Variants in POLR2E observed in about 807,000 individuals in gnomAD.
POLR2E encodes the protein DNA-directed RNA polymerases I, II, and III subunit RPABC1.
A neutral mutation model predicts 29.8 loss-of-function variants in POLR2E; 35 were observed. That is an observed-to-expected ratio of 1.17 (90% CI 0.90 to 1.55). The LOEUF (loss-of-function observed/expected upper bound fraction) is 1.55, where lower values mean the gene tolerates loss of function less well. Ranked by LOEUF, POLR2E falls within the 40% of genes most tolerant of loss-of-function variation. The probability of loss-of-function intolerance (pLI) is 0.00; values close to 1 mark genes in which losing one functional copy is unlikely to be tolerated. For synonymous variants in POLR2E, 174 were observed against 112.6 expected (o/e 1.55, Z -3.45); for missense variants, 287 against 288.6 (o/e 0.99, Z 0.04).
chr19:1,094,120 GA>G, intron 1 of POLR2E, 42 bp from the exon 2 acceptor site: 1 of 1,567,576 alleles, frequency 6.4e-7, no homozygotes, highest in Non-Finnish European at 8.7e-7. Context: ...GCAGAGAGAG[GA>G]AGGCGGCCAA....
chr19:1,091,640 G>T, intron 3 of POLR2E, 152 bp downstream of exon 3: 1 of 623,064 alleles, frequency 1.6e-6, no homozygotes, highest in East Asian at 2.8e-5. Flanking sequence ...GAGGGAGGCG[G>T]TCGGGGCTTG....
intron 3 of POLR2E, 91 bp downstream of exon 3, chr19:1,091,701 A>G: frequency 5.8e-6 from 5 of 856,952 alleles, no homozygotes; most frequent in Non-Finnish European, 9.5e-6. Flanking sequence ...CCTGGCCCAA[A>G]GCCCAAGGCA....
intron 3 of POLR2E, 83 bp downstream of exon 3, chr19:1,091,709 G>T: frequency 1.1e-6 from 1 of 939,330 alleles, no homozygotes; most frequent in Non-Finnish European, 1.7e-6. Context: ...AAAGCCCAAG[G>T]CACGTGGGCC....
At chr19:1,093,843 C>G in intron 2 of POLR2E, 61 bp downstream of exon 2, 3 of 1,493,688 alleles carry the variant, frequency 2.0e-6, no homozygotes, top group Non-Finnish European at 2.7e-6. Context: ...GTGCTAGCGA[C>G]CGGCTCCTCG....
rs1568505149 is a variant in POLR2E, at chr19:1,088,327, GC to G, written c.*407del. 6.6e-6 allele frequency: 1 copy of G among 152,298 alleles called. No homozygotes were observed. 9.4% of individuals were successfully genotyped at this position (152,298 alleles called of 1,614,324 possible). A position where few individuals can be genotyped will look rare whatever the true frequency, so the allele number is the denominator to read the frequency against. On this transcript the variant is annotated 3_prime_UTR_variant, in exon 8 of 8. Coordinates refer to ENST00000615234, the MANE Select transcript of POLR2E (RefSeq NM_002695.5). The stretch of plus-strand genomic sequence containing the variant: ...AAAGAGCCGAGGCCGGGCGGGGGCC[GC>G]CACGCATCAGGGCCCCCGAGGGAGG...
At position 1,086,778 on chromosome 19, in the gene POLR2E, C is replaced by T. The variant is rs1426358262; in HGVS notation, c.*1957G>A. ...ATGTGTGAGGAAGGGAACCCCCCGC[C>T]ACGGGGCCCCGCGAGGTGGGAGCCC... On this transcript the variant is annotated 3_prime_UTR_variant, in exon 8 of 8. Transcript: ENST00000615234. 6.6e-6 allele frequency: 1 copy of T among 152,186 alleles called. No individual in the cohort carries two copies. Among genetic ancestry groups the T allele is most frequent in the African/African-American group, 2.4e-5 (1 of 41,400 alleles). The allele number at this position is 152,186 out of a possible 1,614,324, so 9.4% of individuals were successfully genotyped here.
chr19:1,090,517 G>GTGCA (rs2043806958), intron 4 of POLR2E, among the ~76,000 whole-genome samples: 1 of 144,418 alleles, frequency 6.9e-6, no homozygotes, highest in African/African-American at 2.6e-5. Flanking sequence ...CCAGGCTGGA[G>GTGCA]TGCAGTGGCA....
At position 1,090,158 on chromosome 19, in the gene POLR2E, G is replaced by A. The variant is rs2043798559; in HGVS notation, c.430-13C>T. ...GCTCAGGGACTAGCTGCCGAGAGAG[G>A]AAGCCACCAGGCATCACCAAGGGCT... On this transcript the variant is annotated splice_polypyrimidine_tract_variant and intron_variant, in intron 4 of 7. Transcript: ENST00000615234. 1 of 1,611,992 alleles carries A rather than the reference G, an allele frequency of 6.2e-7. No homozygotes were observed. Among genetic ancestry groups the A allele is most frequent in the Non-Finnish European group, 8.5e-7 (1 of 1,179,610 alleles).
At position 1,091,846 on chromosome 19, in the gene POLR2E, G is replaced by T; in HGVS notation, c.294C>A (p.Asn98Lys). The change falls in exon 3 of 8, where the codon AAC becomes AAA. Residue 98 changes from asparagine (N) to lysine (K), a missense_variant. Physicochemically the swap from Asn to Lys is moderately conservative, Grantham distance 94. Transcript: ENST00000615234. ...KVYCQRMQEENITRALIVVQQ... is the reference protein window; with the variant it reads ...KVYCQRMQEEKITRALIVVQQ... ...GCACCACGATGAGAGCCCGTGTGAT[G>T]TTCTCCTCCTGCATGCGCTGGCAGT... The T allele has an allele frequency of 6.2e-7, 1 of 1,613,292 alleles. No homozygotes were observed. Among genetic ancestry groups the T allele is most frequent in the Non-Finnish European group, 8.5e-7 (1 of 1,179,876 alleles).
intron 1 of POLR2E, 82 bp from the exon 2 acceptor site, chr19:1,094,160 G>A: frequency 7.4e-7 from 1 of 1,350,782 alleles, no homozygotes; most frequent in East Asian, 2.4e-5. Context: ...CAGACCTGCG[G>A]CTGCTGCAGA....
intron 2 of POLR2E, 86 bp from the exon 3 acceptor site, chr19:1,091,993 C>A: frequency 1.1e-6 from 1 of 896,938 alleles, no homozygotes. Context: ...CAGGTTCCAG[C>A]CCCATTCCAC....
intron 2 of POLR2E, among the ~76,000 whole-genome samples, chr19:1,093,511 G>A (rs764787154): frequency 9.2e-5 from 14 of 152,152 alleles, no homozygotes; most frequent in Admixed American, 6.5e-4. Flanking sequence ...GGCAGGGGCC[G>A]CAGCTCACAA....
chr19:1,092,415 A>T (rs1310214001), intron 2 of POLR2E: 1 of 154,666 alleles, frequency 6.5e-6, no homozygotes, highest in Non-Finnish European at 1.4e-5. Flanking sequence ...TCTATTAACA[A>T]TACAGGATGG....
In POLR2E at chr19:1,089,415, G is replaced by A. The variant is rs1339688246; in HGVS notation, c.*14+57C>T. The stretch of plus-strand genomic sequence containing the variant: ...AAGAACAGCCCTGCACACCGACGGA[G>A]GGGACGACACCCCTGCCTCTGACCC... On this transcript the variant is annotated intron_variant, in intron 7 of 7. Transcript: ENST00000615234. 1.1e-5 allele frequency: 13 copies of A among 1,160,070 alleles called. No individual in the cohort carries two copies. In the South Asian group the frequency reaches 1.1e-4, roughly 10 times the overall value. The allele number at this position is 1,160,070 out of a possible 1,614,324, so 71.9% of individuals were successfully genotyped here.
At chr19:1,090,608 C>T (rs1253891868) in intron 4 of POLR2E, among the ~76,000 whole-genome samples, 11 of 151,674 alleles carry the variant, frequency 7.3e-5, no homozygotes, top group African/African-American at 2.2e-4. Context: ...TTAGTAGAGA[C>T]GGGGTTTCAC....
At chr19:1,094,965 C>A in intron 1 of POLR2E, 1 of 451,908 alleles carries the variant, frequency 2.2e-6, no homozygotes, top group Non-Finnish European at 3.9e-6. Flanking sequence ...CGCCCCCCGT[C>A]CCCATTCGCG....
In POLR2E at chr19:1,095,310, G is replaced by C. The variant is rs200508949; in HGVS notation, c.6C>G (p.Asp2Glu). The change falls in exon 1 of 8, where the codon GAC becomes GAG. Residue 2 changes from aspartate (D) to glutamate (E), a missense_variant. Coordinates refer to ENST00000615234, the MANE Select transcript of POLR2E (RefSeq NM_002695.5). ...AGAGCCGGTACGTCTCCTCCTCGTC[G>C]TCCATGGCAGCCTCCGCCGCCGCCG... The part of the protein sequence containing the change: M[D>E]DEEETYRLWK... The C allele has an allele frequency of 1.9e-6, 3 of 1,612,870 alleles. No individual in the cohort carries two copies. Among genetic ancestry groups the C allele is most frequent in the East Asian group, 2.2e-5 (1 of 44,848 alleles).
rs1599790891 is a variant in POLR2E at position 1,089,688 on chromosome 19, C to T, written c.568-137G>A. On this transcript the variant is annotated intron_variant, in intron 6 of 7. Coordinates refer to ENST00000615234, the MANE Select transcript of POLR2E (RefSeq NM_002695.5). Reference sequence around the variant, plus strand: ...CTGACCCTGGGCTGTGGGACCCGCTCCCTGGGAACCTGGGTCACGCTCTTC... The same window carrying T: ...CTGACCCTGGGCTGTGGGACCCGCTTCCTGGGAACCTGGGTCACGCTCTTC... 7.3e-6 allele frequency: 6 copies of T among 823,350 alleles called. No individual in the cohort carries two copies. The East Asian group carries it at 7.9e-5, about 11-fold the overall frequency. The allele number at this position is 823,350 out of a possible 1,614,324, so 51.0% of individuals were successfully genotyped here.
At chr19:1,090,538 T>A (rs1171097329) in intron 4 of POLR2E, among the ~76,000 whole-genome samples, 1 of 141,096 alleles carries the variant, frequency 7.1e-6, no homozygotes, top group African/African-American at 2.6e-5. Context: ...CAATCTCGGC[T>A]CCCCGAGTAG....
Sources: gnomAD v4.1 joint callset for allele counts (sites outside exome capture counted in the v4.1 genomes callset) on GRCh38, gnomAD v4.1.1 for gene constraint, MANE v1.5 for transcripts, NCBI Gene and HGNC (gene_info 2026-07-23, HGNC 2026-07-21) for gene names.